The following MALRD1 variants were observed in gnomAD, a reference collection of about 807,000 sequenced individuals.
MALRD1 encodes MAM and LDL receptor class A domain containing 1, also known as MAM and LDL-receptor class A domain-containing protein 1.
In MALRD1, 247 loss-of-function variants were observed where a neutral mutation model predicts 242.1. That is an observed-to-expected ratio of 1.02 (90% CI 0.92 to 1.13). MALRD1 has a LOEUF of 1.13. Ranked by LOEUF, MALRD1 falls within the 50% of genes most tolerant of loss-of-function variation. The pLI, the probability that MALRD1 is intolerant of heterozygous loss-of-function variation, is 0.00. For synonymous variants in MALRD1, 995 were observed against 866.6 expected, an observed-to-expected ratio of 1.15 and a Z score of -2.60; for missense variants, 2,989 against 2,533.1, an observed-to-expected ratio of 1.18 and a Z score of -3.86.
chr10:19,316,000 C>A (rs937721650), intron 21 of MALRD1, among the ~76,000 whole-genome samples: 32 of 150,258 alleles, frequency 2.1e-4, no homozygotes, highest in Non-Finnish European at 3.0e-5. Flanking sequence ...GGGTTCATGC[C>A]TTTACTTAAA....
chr10:19,416,339 A>G (rs964580116), intron 28 of MALRD1, among the ~76,000 whole-genome samples: 3 of 152,200 alleles, frequency 2.0e-5, no homozygotes, highest in South Asian at 2.1e-4. Flanking sequence ...AGCCAGCACT[A>G]TTCAATGTGG....
intron 33 of MALRD1, among the ~76,000 whole-genome samples, chr10:19,573,517 G>C (rs562802209): frequency 6.6e-6 from 1 of 152,014 alleles, no homozygotes; most frequent in African/African-American, 2.4e-5. Flanking sequence ...GGGATTCGCC[G>C]CCTCCCTCAT....
intron 24 of MALRD1, among the ~76,000 whole-genome samples, chr10:19,345,577 A>G (rs1055022625): frequency 6.6e-6 from 1 of 152,154 alleles, no homozygotes; most frequent in Non-Finnish European, 1.5e-5. Flanking sequence ...AAATTACAAA[A>G]TACATTTCAA....
chr10:19,202,039 C>T (rs1564463053), intron 14 of MALRD1, among the ~76,000 whole-genome samples: 3 of 152,072 alleles, frequency 2.0e-5, no homozygotes, highest in Non-Finnish European at 4.4e-5. Flanking sequence ...TGGTCTCGAT[C>T]TCTTGACCTT....
chr10:19,712,657 A>G (rs749801957), intron 38 of MALRD1, among the ~76,000 whole-genome samples: 35 of 152,242 alleles, frequency 2.3e-4, no homozygotes, highest in Non-Finnish European at 3.8e-4. Flanking sequence ...TATGTGTCTC[A>G]AAGAACCCAA....
chr10:19,070,908 G>A (rs1489366898), intron 2 of MALRD1, among the ~76,000 whole-genome samples: 1 of 125,136 alleles, frequency 8.0e-6, no homozygotes, highest in African/African-American at 3.0e-5. Flanking sequence ...CTGGAGTGTA[G>A]TGGTGTGATC....
chr10:19,079,963 A>T (rs1835431647), intron 2 of MALRD1, among the ~76,000 whole-genome samples: 1 of 152,038 alleles, frequency 6.6e-6, no homozygotes, highest in Non-Finnish European at 1.5e-5. Context: ...TAGCACTCCT[A>T]TATGCCAACA....
chr10:19,512,878 T>C (rs1564403622), intron 31 of MALRD1, among the ~76,000 whole-genome samples: 1 of 152,164 alleles, frequency 6.6e-6, no homozygotes, highest in Non-Finnish European at 1.5e-5. Flanking sequence ...ATGGAGTGCA[T>C]AGTTTTAAAT....
At chr10:19,258,673 C>G (rs1839620190) in intron 19 of MALRD1, among the ~76,000 whole-genome samples, 1 of 152,140 alleles carries the variant, frequency 6.6e-6, no homozygotes, top group South Asian at 2.1e-4. Flanking sequence ...AGCTCTGATC[C>G]TACCCACCAC....
chr10:19,730,628 C>G (rs1488113111), intron 38 of MALRD1, 78 bp from the exon 39 acceptor site: 2 of 1,395,636 alleles, frequency 1.4e-6, no homozygotes, highest in African/African-American at 2.9e-5. Context: ...TCAAAAGTTT[C>G]TAACAAACAA....
At position 19,734,240 on chromosome 10, in the gene MALRD1, G is replaced by T; in HGVS notation, c.*3G>T. The T allele has an allele frequency of 6.5e-7, 1 of 1,533,550 alleles. No homozygotes were observed. The highest frequency in any genetic ancestry group is 8.7e-7 in the Non-Finnish European group (1 of 1,144,630). 95.0% of individuals were successfully genotyped at this position (1,533,550 alleles called of 1,614,324 possible). On this transcript the variant is annotated 3_prime_UTR_variant, in exon 40 of 40. Coordinates refer to ENST00000454679, the MANE Select transcript of MALRD1 (RefSeq NM_001142308.3). ...CCCTGTCACATCATCTCAAATAGCA[G>T]CATCGAGACCAAGTCTGATCCAACA...
intron 36 of MALRD1, among the ~76,000 whole-genome samples, chr10:19,690,510 G>A (rs1461187618): frequency 1.3e-5 from 2 of 152,022 alleles, no homozygotes; most frequent in East Asian, 3.8e-4. Flanking sequence ...AATGGGTGAC[G>A]AGGTTTATTT....
At chr10:19,498,871 G>A (rs1231980245) in intron 31 of MALRD1, among the ~76,000 whole-genome samples, 1 of 152,104 alleles carries the variant, frequency 6.6e-6, no homozygotes, top group African/African-American at 2.4e-5. Flanking sequence ...TATTTTAAGA[G>A]ACTCACAGAT....
At chr10:19,282,134 G>A (rs184209081) in intron 20 of MALRD1, among the ~76,000 whole-genome samples, 17 of 152,112 alleles carry the variant, frequency 1.1e-4, no homozygotes, top group Admixed American at 1.0e-3. Flanking sequence ...TCTATTAAAA[G>A]CCTACAAATT....
At chr10:19,674,222 CAGTG>C (rs1331045433) in intron 36 of MALRD1, among the ~76,000 whole-genome samples, 1 of 152,156 alleles carries the variant, frequency 6.6e-6, no homozygotes. Context: ...ACCTCATCTC[CAGTG>C]AGTAAGTTCA....
At chr10:19,134,530 G>A (rs529450340) in intron 9 of MALRD1, among the ~76,000 whole-genome samples, 9 of 149,352 alleles carry the variant, frequency 6.0e-5, no homozygotes, top group South Asian at 2.1e-4. Flanking sequence ...CATGATATAT[G>A]GAATGTGTAA....
chr10:19,607,686 A>C lies in MALRD1; in HGVS notation c.5945-91A>C. On this transcript the variant is annotated intron_variant, in intron 34 of 39. Coordinates refer to ENST00000454679, the MANE Select transcript of MALRD1 (RefSeq NM_001142308.3). ...TAGAAAAAATCAAGAGTAATATAAT[A>C]AACTGTTTTATGTTATTTTGTTGTG... The C allele has an allele frequency of 2.1e-6, 3 of 1,426,582 alleles. No individual in the cohort carries two copies. In the East Asian group the frequency reaches 7.6e-5, roughly 36 times the overall value. The allele number at this position is 1,426,582 out of a possible 1,614,324, so 88.4% of individuals were successfully genotyped here.
At chr10:19,498,125 A>T (rs1201494547) in intron 30 of MALRD1, among the ~76,000 whole-genome samples, 1 of 152,230 alleles carries the variant, frequency 6.6e-6, no homozygotes, top group Non-Finnish European at 1.5e-5. Flanking sequence ...CATCAGAATA[A>T]GGGACGGAAG....
At chr10:19,503,279 C>A (rs1428311283) in intron 31 of MALRD1, among the ~76,000 whole-genome samples, 2 of 152,160 alleles carry the variant, frequency 1.3e-5, no homozygotes, top group African/African-American at 2.4e-5. Context: ...AAACAAAATT[C>A]TTTATGAGAA....
Sources: allele counts gnomAD v4.1 joint callset (sites outside exome capture counted in the v4.1 genomes callset), GRCh38; gene constraint gnomAD v4.1.1; transcripts MANE v1.5; gene names NCBI Gene and HGNC (gene_info 2026-07-23, HGNC 2026-07-21).